Variants in STAG1 observed in about 807,000 individuals in gnomAD.
STAG1 encodes cohesin subunit SA-1.
A neutral mutation model predicts 170.9 loss-of-function variants in STAG1; 26 were observed. That is an observed-to-expected ratio of 0.15 (90% CI 0.11 to 0.21). The LOEUF is 0.21. STAG1 is among the 10% of genes least tolerant of loss of function. STAG1 has a pLI of 1.00. For missense variants in STAG1, 964 were observed against 1,509.5 expected (o/e 0.64, Z 5.99); for synonymous variants, 514 against 497.7 (o/e 1.03, Z -0.44).
intron 1 of STAG1, among the ~76,000 whole-genome samples, chr3:136,688,642 T>G (rs1942620713): frequency 6.6e-6 from 1 of 152,224 alleles, no homozygotes; most frequent in Non-Finnish European, 1.5e-5. Flanking sequence ...TTTGCCTGCC[T>G]TGGCCTCCCA....
At chr3:136,452,220 T>C in intron 13 of STAG1, 73 bp from the exon 14 acceptor site, 1 of 912,970 alleles carries the variant, frequency 1.1e-6, no homozygotes, top group Non-Finnish European at 1.8e-6. Context: ...ACACAAATCA[T>C]TTCAGTGTTT....
chr3:136,453,540 G>A (rs1388037184), intron 13 of STAG1, among the ~76,000 whole-genome samples: 2 of 149,216 alleles, frequency 1.3e-5, no homozygotes, highest in Admixed American at 6.7e-5. Flanking sequence ...ACAGTAAGCC[G>A]AGATCGCGCC....
intron 23 of STAG1, among the ~76,000 whole-genome samples, chr3:136,369,707 T>C (rs1036086095): frequency 1.3e-5 from 2 of 152,190 alleles, no homozygotes; most frequent in African/African-American, 4.8e-5. Context: ...AGCATAAAAT[T>C]TGAAACTCTA....
In STAG1 at chr3:136,433,629, A is replaced by G. The variant is rs756782752; in HGVS notation, c.1577T>C (p.Ile526Thr). ...AMSDRQESAL[I>T]ELMVCTIRQA... ...ACGAATTGTACAAACCATTAGCTCT[A>G]TAAGAGCACTCTCTTGACGATCAGA... The change falls in exon 16 of 34, where the codon ATA becomes ACA. Residue 526 changes from isoleucine to threonine, a missense_variant. By Grantham distance (89) the Ile-to-Thr change is moderately conservative. Transcript: ENST00000383202. 36 of 1,609,524 alleles carry G rather than the reference A, an allele frequency of 2.2e-5. No homozygotes were observed. Among genetic ancestry groups the G allele is most frequent in the Admixed American group, 8.5e-5 (5 of 59,124 alleles).
chr3:136,744,673 CTTTTT>C (rs34241550), intron 1 of STAG1, among the ~76,000 whole-genome samples: 2 of 117,474 alleles, frequency 1.7e-5, no homozygotes, highest in Non-Finnish European at 1.7e-5. Context: ...CTGCAACCAT[CTTTTT>C]TTTTTTTTTT....
chr3:136,366,833 C>T, intron 25 of STAG1, 110 bp downstream of exon 25: 1 of 788,566 alleles, frequency 1.3e-6, no homozygotes. Flanking sequence ...TAAAATCATC[C>T]ACATTACATA....
At chr3:136,717,160 T>C (rs1943564113) in intron 1 of STAG1, among the ~76,000 whole-genome samples, 1 of 151,106 alleles carries the variant, frequency 6.6e-6, no homozygotes, top group Non-Finnish European at 1.5e-5. Flanking sequence ...TCAACACCTA[T>C]TCCCACCACC....
intron 1 of STAG1, among the ~76,000 whole-genome samples, chr3:136,657,118 T>C (rs974601000): frequency 6.0e-5 from 9 of 150,904 alleles, no homozygotes; most frequent in East Asian, 1.9e-4. Flanking sequence ...GCAATACTTA[T>C]ATGGAAAAAA....
intron 7 of STAG1, among the ~76,000 whole-genome samples, chr3:136,514,518 T>G (rs903753372): frequency 6.6e-6 from 1 of 152,182 alleles, no homozygotes; most frequent in Non-Finnish European, 1.5e-5. Flanking sequence ...TCCCCAGTTA[T>G]CTAGAACTAG....
At chr3:136,504,818 A>AT (rs1933673248) in intron 7 of STAG1, among the ~76,000 whole-genome samples, 1 of 152,162 alleles carries the variant, frequency 6.6e-6, no homozygotes, top group Non-Finnish European at 1.5e-5. Context: ...TTTCAGCTGT[A>AT]TATCTTCTTG....
At chr3:136,454,270 G>A (rs529426124) in intron 13 of STAG1, among the ~76,000 whole-genome samples, 2 of 152,024 alleles carry the variant, frequency 1.3e-5, no homozygotes, top group East Asian at 3.9e-4. Flanking sequence ...AGTAGAGACA[G>A]GGTTTCACCA....
chr3:136,618,352 C>T (rs1939690436), intron 3 of STAG1, among the ~76,000 whole-genome samples: 1 of 152,230 alleles, frequency 6.6e-6, no homozygotes. Flanking sequence ...AACCCCTTCC[C>T]CTCCCTTGTC....
intron 1 of STAG1, among the ~76,000 whole-genome samples, chr3:136,695,845 C>G (rs1207854556): frequency 8.4e-6 from 1 of 119,736 alleles, no homozygotes; most frequent in African/African-American, 3.2e-5. Context: ...GCAGGAGGAT[C>G]AAAGAGTACA....
chr3:136,617,946 C>T (rs1939670831), intron 3 of STAG1, among the ~76,000 whole-genome samples: 2 of 152,140 alleles, frequency 1.3e-5, no homozygotes, highest in South Asian at 4.1e-4. Flanking sequence ...TTAACTTACC[C>T]TTCTGGTACT....
At chr3:136,674,753 T>C (rs1394591500) in intron 1 of STAG1, among the ~76,000 whole-genome samples, 2 of 152,242 alleles carry the variant, frequency 1.3e-5, no homozygotes, top group Admixed American at 6.5e-5. Context: ...GCTTTAAATA[T>C]GTACCATTTA....
At chr3:136,717,581 T>C (rs910759236) in intron 1 of STAG1, among the ~76,000 whole-genome samples, 1 of 152,104 alleles carries the variant, frequency 6.6e-6, no homozygotes, top group African/African-American at 2.4e-5. Context: ...GGAGAATCAC[T>C]TGCACCCAGG....
intron 4 of STAG1, among the ~76,000 whole-genome samples, chr3:136,585,024 G>C (rs1048109214): frequency 6.6e-6 from 1 of 152,084 alleles, no homozygotes; most frequent in African/African-American, 2.4e-5. Flanking sequence ...CTAATATCTG[G>C]GTTACAGAGC....
Position 136,552,641 on chromosome 3 carries a change from G to C in STAG1, c.395-10446C>G, listed in dbSNP as rs560771371. Among the ~76,000 whole-genome samples the C allele has an allele frequency of 6.6e-5, 10 of 152,252 alleles. No homozygotes were observed. In the South Asian group the frequency reaches 1.9e-3, roughly 28 times the overall value. On this transcript the variant is annotated intron_variant, in intron 5 of 33. Transcript: ENST00000383202. ...AGAAGAAATAACTCTATAAAGTGGG[G>C]CCTCAAAGGATTACATCTTCAGGTT...
intron 10 of STAG1, among the ~76,000 whole-genome samples, chr3:136,474,433 G>C (rs2089696177): frequency 6.6e-6 from 1 of 152,152 alleles, no homozygotes. Context: ...CAGGTTTCTT[G>C]TTTATAAAAT....
Sources: allele counts gnomAD v4.1 joint callset (sites outside exome capture counted in the v4.1 genomes callset), GRCh38; gene constraint gnomAD v4.1.1; transcripts MANE v1.5; gene names NCBI Gene and HGNC (gene_info 2026-07-23, HGNC 2026-07-21).